Variants in GALNT13 observed in about 807,000 individuals in gnomAD.
The protein encoded by GALNT13 is polypeptide N-acetylgalactosaminyltransferase 13.
GALNT13 carries 28 observed loss-of-function variants against 64.2 expected under a neutral mutation model. The ratio of observed to expected loss-of-function variants is 0.44; its 90% CI spans 0.32 to 0.60. The LOEUF is 0.60. Ranked by LOEUF, GALNT13 falls within the 20% of genes least tolerant of loss-of-function variation. The pLI, the probability that GALNT13 is intolerant of heterozygous loss-of-function variation, is 0.05. For synonymous variants in GALNT13, 214 were observed against 224.6 expected, an observed-to-expected ratio of 0.95 and a Z score of 0.42; for missense variants, 577 against 669.8, an observed-to-expected ratio of 0.86 and a Z score of 1.53.
the GALNT13 span, among the ~76,000 whole-genome samples, chr2:153,810,400 C>T: frequency 1.2e-4 from 19 of 152,120 alleles, no homozygotes; most frequent in Non-Finnish European, 2.2e-4. Flanking sequence ...TTACTGGTAT[C>T]TACATTACAT....
intron 9 of GALNT13, among the ~76,000 whole-genome samples, chr2:154,356,511 A>G (rs1696758986): frequency 6.6e-6 from 1 of 152,048 alleles, no homozygotes; most frequent in Admixed American, 6.6e-5. Flanking sequence ...AGAGTATTCT[A>G]CATGAATACT....
At chr2:153,719,464 T>C in the GALNT13 span, among the ~76,000 whole-genome samples, 3 of 152,166 alleles carry the variant, frequency 2.0e-5, no homozygotes, top group Non-Finnish European at 4.4e-5. Flanking sequence ...GGAGCCAAGA[T>C]GGCCGAATAG....
At chr2:153,820,170 T>C in the GALNT13 span, among the ~76,000 whole-genome samples, 1 of 152,280 alleles carries the variant, frequency 6.6e-6, no homozygotes, top group South Asian at 2.1e-4. Context: ...TGGTCTTTTT[T>C]AAAAACAAAC....
At chr2:153,455,265 C>G in the GALNT13 span, among the ~76,000 whole-genome samples, 9 of 152,098 alleles carry the variant, frequency 5.9e-5, no homozygotes, top group Admixed American at 5.2e-4. Flanking sequence ...TCAAGGAATA[C>G]AAGTATAGGA....
intron 9 of GALNT13, among the ~76,000 whole-genome samples, chr2:154,374,992 TTTG>T (rs1328604223): frequency 2.0e-5 from 3 of 152,012 alleles, no homozygotes; most frequent in Non-Finnish European, 4.4e-5. Flanking sequence ...CAGAAATAAT[TTTG>T]TTGTTGTTGT....
chr2:153,087,193 G>A, the GALNT13 span, among the ~76,000 whole-genome samples: 288 of 152,172 alleles, frequency 1.9e-3, 3 homozygotes, highest in African/African-American at 6.3e-3. Context: ...TCATAAAGTC[G>A]TGCTGGATTT....
At chr2:154,437,124 C>G (rs1435719257) in intron 11 of GALNT13, 1 of 153,006 alleles carries the variant, frequency 6.5e-6, no homozygotes, top group Non-Finnish European at 1.5e-5. Flanking sequence ...GTCTCAAACT[C>G]CTGGGCTCAA....
chr2:154,088,690 C>T (rs908320567), intron 3 of GALNT13, among the ~76,000 whole-genome samples: 17 of 152,116 alleles, frequency 1.1e-4, no homozygotes, highest in African/African-American at 2.9e-4. Context: ...TGACGTCAGG[C>T]GATTCACCCA....
the GALNT13 span, among the ~76,000 whole-genome samples, chr2:153,138,038 T>C: frequency 2.6e-5 from 4 of 152,220 alleles, no homozygotes; most frequent in African/African-American, 9.6e-5. Flanking sequence ...CCAGACTCTG[T>C]TTTCAGCTTT....
At chr2:153,671,294 C>G in the GALNT13 span, among the ~76,000 whole-genome samples, 39 of 152,116 alleles carry the variant, frequency 2.6e-4, no homozygotes, top group Non-Finnish European at 4.3e-4. Context: ...TTAAGTGCAG[C>G]CAGAGAGAAA....
intron 3 of GALNT13, among the ~76,000 whole-genome samples, chr2:154,035,894 T>C (rs1698632929): frequency 1.3e-5 from 2 of 151,958 alleles, no homozygotes; most frequent in African/African-American, 2.4e-5. Flanking sequence ...AAATAATCTT[T>C]GAGATGAAGA....
the GALNT13 span, among the ~76,000 whole-genome samples, chr2:153,149,388 C>T: frequency 1.3e-5 from 2 of 151,798 alleles, no homozygotes; most frequent in African/African-American, 4.8e-5. Context: ...ATCAGGAAGA[C>T]TGCATTTCTT....
At chr2:154,261,985 G>A (rs1443260402) in intron 8 of GALNT13, among the ~76,000 whole-genome samples, 1 of 152,106 alleles carries the variant, frequency 6.6e-6, no homozygotes, top group Non-Finnish European at 1.5e-5. Context: ...GGAATACATT[G>A]CAAAGACTTA....
chr2:153,273,394 T>G, the GALNT13 span, among the ~76,000 whole-genome samples: 1 of 152,324 alleles, frequency 6.6e-6, no homozygotes, highest in African/African-American at 2.4e-5. Context: ...GAGTGCTGCT[T>G]CTTCCTACTT....
the GALNT13 span, among the ~76,000 whole-genome samples, chr2:153,367,442 C>A: frequency 2.0e-5 from 3 of 152,006 alleles, no homozygotes; most frequent in Admixed American, 6.6e-5. Context: ...GACTGTATTA[C>A]CTTATACAAG....
At chr2:154,154,147 C>T (rs530934944) in intron 4 of GALNT13, among the ~76,000 whole-genome samples, 7 of 152,180 alleles carry the variant, frequency 4.6e-5, no homozygotes, top group African/African-American at 1.7e-4. Flanking sequence ...TGACTTAAGG[C>T]AGAAATACTC....
chr2:153,636,908 C>T, the GALNT13 span, among the ~76,000 whole-genome samples: 5 of 152,014 alleles, frequency 3.3e-5, 1 homozygote, highest in Non-Finnish European at 7.4e-5. Context: ...TGATACATGT[C>T]TTTAAGTAAA....
chr2:154,332,500 G>T (rs1318972832), intron 9 of GALNT13, among the ~76,000 whole-genome samples: 1 of 151,914 alleles, frequency 6.6e-6, no homozygotes, highest in East Asian at 1.9e-4. Flanking sequence ...CCTCCTGCAT[G>T]GTTTAAAATG....
the GALNT13 span, among the ~76,000 whole-genome samples, chr2:153,409,333 T>TATATATATATATGA: frequency 2.9e-5 from 4 of 139,144 alleles, no homozygotes; most frequent in African/African-American, 1.1e-4. Context: ...TATTCATATG[T>TATATATATATATGA]ATATGTATAT....
Sources: gnomAD v4.1 joint callset for allele counts (sites outside exome capture counted in the v4.1 genomes callset) on GRCh38, gnomAD v4.1.1 for gene constraint, MANE v1.5 for transcripts, NCBI Gene and HGNC (gene_info 2026-07-23, HGNC 2026-07-21) for gene names.